ZNF395: variants seen among roughly 807,000 people sequenced by gnomAD.
ZNF395 encodes the protein zinc finger protein 395.
Under a neutral mutation model 57.7 loss-of-function variants are expected in ZNF395, and 20 were observed. The ratio of observed to expected loss-of-function variants is 0.35; its 90% confidence interval spans 0.24 to 0.50. The LOEUF (loss-of-function observed/expected upper bound fraction) is 0.50. Among genes scored for constraint, ZNF395 ranks in the 20% least tolerant of loss-of-function variants. ZNF395 has a pLI of 0.97. For synonymous variants in ZNF395, 295 were observed against 275.9 expected, an observed-to-expected ratio of 1.07 and a Z score of -0.69; for missense variants, 606 against 671.2, an observed-to-expected ratio of 0.90 and a Z score of 1.07.
At chr8:28,364,568 C>T (rs1401959435) in intron 1 of ZNF395, among the ~76,000 whole-genome samples, 1 of 151,016 alleles carries the variant, frequency 6.6e-6, no homozygotes, top group Non-Finnish European at 1.5e-5. Flanking sequence ...GCACAAGAAT[C>T]GCTTGAACCC....
chr8:28,378,088 G>C (rs562325069), intron 1 of ZNF395, among the ~76,000 whole-genome samples: 76 of 152,084 alleles, frequency 5.0e-4, no homozygotes, highest in African/African-American at 1.7e-3. Context: ...ATGTCAATCT[G>C]TGTTGTTCAT....
In ZNF395 at chr8:28,349,046, T is replaced by A. The variant is rs573732409; in HGVS notation, c.1430+79A>T. The A allele has an allele frequency of 7.1e-6, 10 of 1,401,004 alleles. No individual in the cohort carries two copies. The South Asian group carries it at 1.3e-4, about 19-fold the overall frequency. The allele number at this position is 1,401,004 out of a possible 1,614,324, so 86.8% of individuals were successfully genotyped here. A position where few individuals can be genotyped will look rare whatever the true frequency, so the allele number is the denominator to read the frequency against. ...CTGGGGACTAACCCTGGTGACTTCA[T>A]CTGGGTGGGGTCGGAGTCCACGCCA... On this transcript the variant is annotated intron_variant, in intron 9 of 9. Transcript: ENST00000344423.
At chr8:28,351,883 G>A (rs1801718118) in intron 6 of ZNF395, 76 bp from the exon 7 acceptor site, 1 of 1,478,200 alleles carries the variant, frequency 6.8e-7, no homozygotes, top group African/African-American at 1.4e-5. Flanking sequence ...CGGTAGGGAG[G>A]GAAGTGATTG....
At chr8:28,365,543 A>G (rs899145114) in intron 1 of ZNF395, 2 of 152,222 alleles carry the variant, frequency 1.3e-5, no homozygotes, top group African/African-American at 4.8e-5. Flanking sequence ...CCGGGTAACA[A>G]TAACAGTAGT....
Position 28,350,246 on chromosome 8 carries a change from A to C in ZNF395, c.1234-90T>G, listed in dbSNP as rs1173635993. On this transcript the variant is annotated intron_variant, in intron 7 of 9. Coordinates refer to ENST00000344423, the MANE Select transcript of ZNF395 (RefSeq NM_018660.3). ...CCCCACAGCCTCATGACAGCAGCAG[A>C]AGGTGCATCTCTGCGTAAGTGCAAT... The C allele has an allele frequency of 1.8e-5, 20 of 1,115,340 alleles. No individual in the cohort carries two copies. The Admixed American group carries it at 3.6e-4, about 20-fold the overall frequency. 69.1% of individuals were successfully genotyped at this position (1,115,340 alleles called of 1,614,324 possible). A position where few individuals can be genotyped will look rare whatever the true frequency, so the allele number is the denominator to read the frequency against.
chr8:28,367,074 T>C (rs1801919573), intron 1 of ZNF395, among the ~76,000 whole-genome samples: 1 of 152,138 alleles, frequency 6.6e-6, no homozygotes, highest in Non-Finnish European at 1.5e-5. Context: ...TTGATTCAAG[T>C]TCTCAATCAG....
intron 7 of ZNF395, among the ~76,000 whole-genome samples, chr8:28,351,202 C>A (rs1801677881): frequency 6.6e-6 from 1 of 152,224 alleles, no homozygotes; most frequent in African/African-American, 2.4e-5. Context: ...CGACTCCATC[C>A]TCTCTTATAA....
At position 28,356,806 on chromosome 8, in the gene ZNF395, T is replaced by C. The variant is rs1801786229; in HGVS notation, c.474-27A>G. The C allele has an allele frequency of 1.3e-6, 2 of 1,588,992 alleles. No individual in the cohort carries two copies. Among genetic ancestry groups the C allele is most frequent in the South Asian group, 2.2e-5 (2 of 89,356 alleles). ...TGGATTCACACGGATGAGTGGGAAA[T>C]GTTACTTCCTGGCATGGCGGGCCCA... On this transcript the variant is annotated intron_variant, in intron 3 of 9. Transcript: ENST00000344423. This position sits in a 1 kb window ranked among gnomAD's most constrained non-coding sequence, Gnocchi z 4.0.
chr8:28,385,293 GTC>G (rs1802158580), intron 1 of ZNF395: 1 of 152,488 alleles, frequency 6.6e-6, no homozygotes, highest in African/African-American at 2.4e-5. Flanking sequence ...GCTTCTTTAG[GTC>G]TCTGAGTCAG....
intron 1 of ZNF395, chr8:28,385,336 C>T (rs570819368): frequency 1.3e-5 from 2 of 152,346 alleles, no homozygotes; most frequent in East Asian, 3.9e-4. Flanking sequence ...GCCCTGCACT[C>T]CCAGGCAGGG....
chr8:28,373,842 C>A (rs1273659335), intron 1 of ZNF395, among the ~76,000 whole-genome samples: 1 of 152,178 alleles, frequency 6.6e-6, no homozygotes, highest in Non-Finnish European at 1.5e-5. Flanking sequence ...CTTCAAATAA[C>A]TGCTTAATGT....
At chr8:28,368,056 G>A (rs1585860048) in intron 1 of ZNF395, among the ~76,000 whole-genome samples, 3 of 152,126 alleles carry the variant, frequency 2.0e-5, no homozygotes, top group African/African-American at 7.2e-5. Flanking sequence ...GTATGTGGTG[G>A]GGCAGGGGCA....
Position 28,347,880 on chromosome 8 carries a change from C to T in ZNF395, c.*839G>A, listed in dbSNP as rs1483832463. 1 of 152,240 alleles carries T rather than the reference C, an allele frequency of 6.6e-6. No homozygotes were observed. The highest frequency in any genetic ancestry group is 1.5e-5 in the Non-Finnish European group (1 of 68,068). The allele number at this position is 152,240 out of a possible 1,614,324, so 9.4% of individuals were successfully genotyped here. ...AGGCGGCGTCAGGAGGGTGCTTCCT[C>T]GGGTCAGAGCAGAGAGTTTCCAGAC... On this transcript the variant is annotated 3_prime_UTR_variant, in exon 10 of 10. Transcript: ENST00000344423.
intron 1 of ZNF395, among the ~76,000 whole-genome samples, chr8:28,382,061 G>A (rs1216476811): frequency 6.6e-6 from 1 of 152,116 alleles, no homozygotes; most frequent in African/African-American, 2.4e-5. Flanking sequence ...TCCTGGCCCA[G>A]CATTCGAGTC....
rs921347942 is a variant in ZNF395 at position 28,347,668 on chromosome 8, G to C, written c.*1051C>G. 12 of 152,216 alleles carry C rather than the reference G, an allele frequency of 7.9e-5. No individual in the cohort carries two copies. Among genetic ancestry groups the C allele is most frequent in the Non-Finnish European group, 1.6e-4 (11 of 68,078 alleles). The allele number at this position is 152,216 out of a possible 1,614,324, so 9.4% of individuals were successfully genotyped here. On this transcript the variant is annotated 3_prime_UTR_variant, in exon 10 of 10. Coordinates refer to ENST00000344423, the MANE Select transcript of ZNF395 (RefSeq NM_018660.3). ...GACTCTCCTTGGCCTTCCTCATCCT[G>C]CTTTCAGGCAGCAAACAGAAATGGG...
chr8:28,350,672 C>T lies in ZNF395; in HGVS notation c.1234-516G>A, dbSNP rs567096336. The stretch of plus-strand genomic sequence containing the variant: ...GCTCCAAGTGGGCCAAACATGAAAT[C>T]GCTAAGCGGCCACTCATTCTAACAA... On this transcript the variant is annotated intron_variant, in intron 7 of 9. Coordinates refer to ENST00000344423, the MANE Select transcript of ZNF395 (RefSeq NM_018660.3). Among the ~76,000 whole-genome samples the T allele has an allele frequency of 2.6e-5, 4 of 152,342 alleles. No individual in the cohort carries two copies. In the South Asian group the frequency reaches 6.2e-4, roughly 24 times the overall value.
chr8:28,381,670 G>A (rs980326118), intron 1 of ZNF395, among the ~76,000 whole-genome samples: 2 of 152,132 alleles, frequency 1.3e-5, no homozygotes, highest in Non-Finnish European at 2.9e-5. Flanking sequence ...TCTGCTGGGA[G>A]CCATTTGGAT....
rs753662866 is a variant in ZNF395, at chr8:28,352,538, C to T, written c.920+35G>A. On this transcript the variant is annotated intron_variant, in intron 6 of 9. Coordinates refer to ENST00000344423, the MANE Select transcript of ZNF395 (RefSeq NM_018660.3). The surrounding 1 kb of genome is among the most constrained non-coding windows in gnomAD (Gnocchi z 4.0). ...GGCAGGGTGGAGGGACACCCACACG[C>T]GACCCTAGGCTAGAGGCCCTGGGCT... 4.1e-5 allele frequency: 66 copies of T among 1,590,656 alleles called. No homozygotes were observed. Among genetic ancestry groups the T allele is most frequent in the Non-Finnish European group, 5.3e-5 (61 of 1,160,076 alleles).
rs191502138 is a variant in ZNF395, at chr8:28,351,478, C to T, written c.1233+17G>A. ...GTCAGCTATGAGCCTGAGCCTCCAG[C>T]GAGCCCCGCCCCATACCTGGTATGC... On this transcript the variant is annotated intron_variant, in intron 7 of 9. Coordinates refer to ENST00000344423, the MANE Select transcript of ZNF395 (RefSeq NM_018660.3). 416 of 1,566,586 alleles carry T rather than the reference C, an allele frequency of 2.7e-4. No homozygotes were observed. The highest frequency in any genetic ancestry group is 3.4e-4 in the Non-Finnish European group (390 of 1,151,394).
Sources: gnomAD v4.1 joint callset for allele counts (sites outside exome capture counted in the v4.1 genomes callset) on GRCh38, gnomAD v4.1.1 for gene constraint, Gnocchi (gnomAD v3.1) non-coding constraint, MANE v1.5 for transcripts, NCBI Gene and HGNC (gene_info 2026-07-23, HGNC 2026-07-21) for gene names.